The following CDH8 variants were observed in gnomAD, a reference collection of about 807,000 sequenced individuals.
The protein encoded by CDH8 is cadherin 8, also known as cadherin-8.
A neutral mutation model predicts 68.1 loss-of-function variants in CDH8; 17 were observed. The ratio of observed to expected loss-of-function variants is 0.25; its 90% CI spans 0.17 to 0.37. The LOEUF (loss-of-function observed/expected upper bound fraction) is 0.37, where lower values mean the gene tolerates loss of function less well. CDH8 is among the 10% of genes least tolerant of loss of function. The pLI is 1.00. For synonymous variants in CDH8, 372 were observed against 365.1 expected (o/e 1.02, Z -0.21); for missense variants, 763 against 999.3 (o/e 0.76, Z 3.19).
intron 8 of CDH8, among the ~76,000 whole-genome samples, chr16:61,745,498 T>C (rs1351026109): frequency 6.6e-6 from 1 of 151,936 alleles, no homozygotes; most frequent in East Asian, 1.9e-4. Flanking sequence ...TAATATACTT[T>C]CGCTTTACAT....
chr16:61,899,454 G>T (rs1963928867), intron 3 of CDH8, among the ~76,000 whole-genome samples: 1 of 152,042 alleles, frequency 6.6e-6, no homozygotes, highest in African/African-American at 2.4e-5. Flanking sequence ...AGATACAGGG[G>T]TGACCATGAA....
chr16:62,014,945 T>A (rs1901900491), intron 2 of CDH8, among the ~76,000 whole-genome samples: 1 of 150,920 alleles, frequency 6.6e-6, no homozygotes, highest in South Asian at 2.1e-4. Context: ...GAATTGAGGA[T>A]CACAGGACTT....
intron 2 of CDH8, among the ~76,000 whole-genome samples, chr16:62,020,645 C>T (rs918339938): frequency 6.6e-6 from 1 of 152,128 alleles, no homozygotes; most frequent in African/African-American, 2.4e-5. Context: ...ACTTTAAGAA[C>T]TTCCTTTTCT....
intron 4 of CDH8, among the ~76,000 whole-genome samples, chr16:61,837,950 G>A (rs1440018239): frequency 6.6e-6 from 1 of 151,822 alleles, no homozygotes; most frequent in Non-Finnish European, 1.5e-5. Flanking sequence ...GAAGCCGGAG[G>A]CAAAAAACAC....
At chr16:61,747,289 C>T (rs549076741) in intron 8 of CDH8, among the ~76,000 whole-genome samples, 3 of 152,118 alleles carry the variant, frequency 2.0e-5, no homozygotes, top group African/African-American at 4.8e-5. Context: ...TGTTGGTTTT[C>T]GATGTACTTG....
intron 3 of CDH8, among the ~76,000 whole-genome samples, chr16:61,885,852 C>G (rs1286016209): frequency 6.6e-6 from 1 of 152,018 alleles, no homozygotes; most frequent in African/African-American, 2.4e-5. Flanking sequence ...TTTTCTTTAA[C>G]AGTAATTTCA....
chr16:61,822,957 G>A (rs369492537), intron 5 of CDH8, among the ~76,000 whole-genome samples: 29 of 151,918 alleles, frequency 1.9e-4, no homozygotes, highest in African/African-American at 2.7e-4. Context: ...AAAGGCACAC[G>A]TTTGAAATTG....
intron 10 of CDH8, among the ~76,000 whole-genome samples, chr16:61,669,910 A>G (rs1048646302): frequency 3.9e-5 from 6 of 152,052 alleles, no homozygotes; most frequent in Admixed American, 1.3e-4. Flanking sequence ...CAAACTGTTA[A>G]CCTGATTTGC....
intron 8 of CDH8, among the ~76,000 whole-genome samples, chr16:61,778,277 T>C (rs920505870): frequency 3.3e-5 from 5 of 152,112 alleles, no homozygotes; most frequent in Non-Finnish European, 7.4e-5. Context: ...TAGAGACAGA[T>C]GGATATATAT....
At chr16:61,692,797 T>C (rs535208629) in intron 10 of CDH8, 9 of 152,216 alleles carry the variant, frequency 5.9e-5, no homozygotes, top group Non-Finnish European at 8.8e-5. Flanking sequence ...ATATGTAAGA[T>C]TGACTTTGGG....
chr16:62,036,040 A>C (rs8057338), intron 1 of CDH8, 40 bp downstream of exon 1: 1 of 152,030 alleles, frequency 6.6e-6, no homozygotes, highest in Non-Finnish European at 1.5e-5. Context: ...GGATAGTCGG[A>C]ACATAGAGGA....
intron 7 of CDH8, among the ~76,000 whole-genome samples, chr16:61,804,327 A>G (rs1023238500): frequency 1.8e-4 from 27 of 152,112 alleles, no homozygotes; most frequent in Non-Finnish European, 7.3e-5. Flanking sequence ...CAGTGTGTAG[A>G]GGGAAATTTA....
chr16:61,654,019 G>A lies in CDH8; in HGVS notation c.1989C>T (p.Asn663=). ...IIKDDEDVRE[N]IIRYDDEGGG... ...CTCCTTCATCATCGTAGCGAATGAT[G>A]TTTTCTCGAACGTCTTCATCATCTT... Residue 663 remains asparagine (N), a synonymous_variant, in exon 12 of 12, where the codon AAC becomes AAT. Coordinates refer to ENST00000577390, the MANE Select transcript of CDH8 (RefSeq NM_001796.5). 1 of 1,614,066 alleles carries A rather than the reference G, an allele frequency of 6.2e-7. No individual in the cohort carries two copies. The highest frequency in any genetic ancestry group is 1.1e-5 in the South Asian group (1 of 91,086).
At chr16:61,949,742 G>T (rs1342961533) in intron 2 of CDH8, among the ~76,000 whole-genome samples, 1 of 152,008 alleles carries the variant, frequency 6.6e-6, no homozygotes, top group Non-Finnish European at 1.5e-5. Flanking sequence ...CAGCACTTTG[G>T]GAAGCCAAGG....
intron 3 of CDH8, among the ~76,000 whole-genome samples, chr16:61,893,998 A>G (rs2143210733): frequency 6.6e-6 from 1 of 152,270 alleles, no homozygotes. Context: ...ATTTTGGGTT[A>G]ATAGTTTCAT....
chr16:62,005,023 C>T (rs1413377654), intron 2 of CDH8, among the ~76,000 whole-genome samples: 1 of 152,180 alleles, frequency 6.6e-6, no homozygotes, highest in African/African-American at 2.4e-5. Context: ...TCTTCTGCTA[C>T]CTCAAAAGTT....
chr16:61,947,435 T>A (rs1964818812), intron 2 of CDH8, among the ~76,000 whole-genome samples: 1 of 152,178 alleles, frequency 6.6e-6, no homozygotes, highest in Non-Finnish European at 1.5e-5. Flanking sequence ...TGCATTCCTA[T>A]CATTTGCCAG....
At chr16:61,918,667 G>A (rs371329869) in intron 2 of CDH8, 6 of 157,848 alleles carry the variant, frequency 3.8e-5, no homozygotes, top group East Asian at 3.8e-4. Context: ...AGGGTCCTAC[G>A]CCCACGGAGT....
chr16:62,019,272 A>C (rs1229663784), intron 2 of CDH8, among the ~76,000 whole-genome samples: 5 of 152,202 alleles, frequency 3.3e-5, no homozygotes, highest in Non-Finnish European at 7.3e-5. Flanking sequence ...TTTAAACTCC[A>C]GTTAGCTGGT....
Sources: gnomAD v4.1 joint callset for allele counts (sites outside exome capture counted in the v4.1 genomes callset) on GRCh38, gnomAD v4.1.1 for gene constraint, MANE v1.5 for transcripts, NCBI Gene and HGNC (gene_info 2026-07-23, HGNC 2026-07-21) for gene names.